ZNF713: variants seen among roughly 807,000 people sequenced by gnomAD.
ZNF713 encodes zinc finger protein 713.
In ZNF713, 21 loss-of-function variants were observed where a neutral mutation model predicts 28.7. The observed-to-expected ratio is 0.73, with a 90% CI of 0.52 to 1.05. The LOEUF is 1.05. Ranked by LOEUF, ZNF713 falls within the 50% of genes least tolerant of loss-of-function variation. The pLI is 0.00. For missense variants in ZNF713, 458 were observed against 532.4 expected, an observed-to-expected ratio of 0.86 and a Z score of 1.37; for synonymous variants, 167 against 178.0, an observed-to-expected ratio of 0.94 and a Z score of 0.49.
At chr7:55,905,128 C>T (rs1785656398) in intron 1 of ZNF713, among the ~76,000 whole-genome samples, 1 of 152,094 alleles carries the variant, frequency 6.6e-6, no homozygotes. Context: ...TCAGAAGGGG[C>T]GTGGCCTCCG....
At chr7:55,895,716 C>T (rs111233951) in intron 1 of ZNF713, among the ~76,000 whole-genome samples, 1 of 152,100 alleles carries the variant, frequency 6.6e-6, no homozygotes, top group African/African-American at 2.4e-5. Flanking sequence ...AATCTGCCCG[C>T]CTTGGCCTCC....
In ZNF713 at chr7:55,940,375, C is replaced by T. The variant is rs1372916516; in HGVS notation, c.*369C>T. Reference sequence around the variant, plus strand: ...CTAACCTCAGGTGATCCGCCCACCTCGGCCTCCCAAAGTGCTGGGATTACA... The same window carrying T: ...CTAACCTCAGGTGATCCGCCCACCTTGGCCTCCCAAAGTGCTGGGATTACA... On this transcript the variant is annotated 3_prime_UTR_variant, in exon 7 of 7. Transcript: ENST00000429591. 27 of 887,484 alleles carry T rather than the reference C, an allele frequency of 3.0e-5. No homozygotes were observed. In the Admixed American group the frequency reaches 1.4e-3, roughly 45 times the overall value. The allele number at this position is 887,484 out of a possible 1,614,324, so 55.0% of individuals were successfully genotyped here. A position where few individuals can be genotyped will look rare whatever the true frequency, so the allele number is the denominator to read the frequency against.
Position 55,940,149 on chromosome 7 carries a change from G to A in ZNF713, c.*143G>A. The A allele has an allele frequency of 1.5e-6, 2 of 1,333,534 alleles. No homozygotes were observed. The highest frequency in any genetic ancestry group is 3.0e-5 in the African/African-American group (2 of 67,512). The allele number at this position is 1,333,534 out of a possible 1,614,324, so 82.6% of individuals were successfully genotyped here. A position where few individuals can be genotyped will look rare whatever the true frequency, so the allele number is the denominator to read the frequency against. On this transcript the variant is annotated 3_prime_UTR_variant, in exon 7 of 7. Coordinates refer to ENST00000429591, the MANE Select transcript of ZNF713 (RefSeq NM_182633.3). ...TGTTTTGTTTTGTTTTTGAGACTGA[G>A]TCTCACTCTGTCACCCAGGCTGAAG...
intron 1 of ZNF713, among the ~76,000 whole-genome samples, chr7:55,893,116 T>C (rs1045173707): frequency 2.0e-5 from 3 of 151,848 alleles, no homozygotes; most frequent in Non-Finnish European, 4.4e-5. Flanking sequence ...ATCTCCTGAC[T>C]TCATGATCTG....
intron 6 of ZNF713, among the ~76,000 whole-genome samples, chr7:55,930,359 T>C (rs2116256366): frequency 6.6e-6 from 1 of 152,264 alleles, no homozygotes; most frequent in East Asian, 1.9e-4. Flanking sequence ...TGGGATCAGG[T>C]GAACTGGAAG....
Position 55,941,940 on chromosome 7 carries a change from T to C in ZNF713, c.*1934T>C, listed in dbSNP as rs142526031. The C allele has an allele frequency of 1.3e-5, 2 of 152,314 alleles. No homozygotes were observed. Among genetic ancestry groups the C allele is most frequent in the East Asian group, 1.9e-4 (1 of 5,188 alleles). The allele number at this position is 152,314 out of a possible 1,614,324, so 9.4% of individuals were successfully genotyped here. On this transcript the variant is annotated 3_prime_UTR_variant, in exon 7 of 7. Transcript: ENST00000429591. ...GGTCCTATTGATGAACTTTGAAATA[T>C]TGATTCAGAGAAGTCTGCTTTTCTA...
chr7:55,928,408 A>G (rs769749255), intron 6 of ZNF713, among the ~76,000 whole-genome samples: 17 of 152,210 alleles, frequency 1.1e-4, no homozygotes, highest in Non-Finnish European at 2.4e-4. Context: ...AGGAAGTAGA[A>G]TGAGGCCTGA....
chr7:55,923,930 G>T, intron 6 of ZNF713: 1 of 319,560 alleles, frequency 3.1e-6, no homozygotes, highest in Non-Finnish European at 5.9e-6. Flanking sequence ...CAAACCAAAG[G>T]TTATTTTGAA....
chr7:55,887,776 G>GA lies in ZNF713; in HGVS notation c.-583+96_-583+97insA, dbSNP rs1785285503. The stretch of plus-strand genomic sequence containing the variant: ...GGGGCGGAGGCGGGGGGCGGAGGCG[G>GA]GGGGCGGAGGCGGGGGGCGGAGGCG... On this transcript the variant is annotated intron_variant, in intron 1 of 6. Coordinates refer to ENST00000429591, the MANE Select transcript of ZNF713 (RefSeq NM_182633.3). 1.7e-3 allele frequency: 3 copies of GA among 1,756 alleles called. 1 individual carries two copies. The highest frequency in any genetic ancestry group is 3.7e-3 in the Non-Finnish European group (3 of 820). The allele number at this position is 1,756 out of a possible 1,614,324, so 0.1% of individuals were successfully genotyped here.
At chr7:55,919,499 T>TG (rs1785947967) in intron 4 of ZNF713, among the ~76,000 whole-genome samples, 12 of 29,308 alleles carry the variant, frequency 4.1e-4, no homozygotes, top group African/African-American at 7.7e-4. Context: ...AGTTTTTTTT[T>TG]TTTTTTTTTT....
In ZNF713 at chr7:55,906,316, T is replaced by G. The variant is rs1352124195; in HGVS notation, c.-519T>G. ...TCTCACTCACCACTGGTGTTGCTCT[T>G]TGAAAGTGGCGCTTGGCACCAGCAT... On this transcript the variant is annotated 5_prime_UTR_variant, in exon 2 of 7. Coordinates refer to ENST00000429591, the MANE Select transcript of ZNF713 (RefSeq NM_182633.3). 2 of 152,270 alleles carry G rather than the reference T, an allele frequency of 1.3e-5. No individual in the cohort carries two copies. Among genetic ancestry groups the G allele is most frequent in the East Asian group, 3.9e-4 (2 of 5,172 alleles). 9.4% of individuals were successfully genotyped at this position (152,270 alleles called of 1,614,324 possible). A position where few individuals can be genotyped will look rare whatever the true frequency, so the allele number is the denominator to read the frequency against.
At chr7:55,918,993 CAAAAG>C (rs1785935498) in intron 4 of ZNF713, among the ~76,000 whole-genome samples, 1 of 142,918 alleles carries the variant, frequency 7.0e-6, no homozygotes, top group Non-Finnish European at 1.5e-5. Flanking sequence ...AATTCTGCCT[CAAAAG>C]AAAGAAAAAA....
At chr7:55,904,842 T>G (rs1011490211) in intron 1 of ZNF713, among the ~76,000 whole-genome samples, 2 of 152,176 alleles carry the variant, frequency 1.3e-5, no homozygotes, top group East Asian at 1.9e-4. Flanking sequence ...TTCTTGTGCC[T>G]CAGCCTCCCA....
At chr7:55,907,601 C>T (rs1350421720) in intron 2 of ZNF713, among the ~76,000 whole-genome samples, 1 of 152,156 alleles carries the variant, frequency 6.6e-6, no homozygotes, top group Non-Finnish European at 1.5e-5. Context: ...TCAACCCTAA[C>T]CCTTGTCCCA....
chr7:55,900,932 A>G lies in ZNF713; in HGVS notation c.-582-5321A>G, dbSNP rs528168999. On this transcript the variant is annotated intron_variant, in intron 1 of 6. Transcript: ENST00000429591. ...GTGATCCACCCACCTTGGCCTCCCA[A>G]AGTGCTGGGATTACAGGCATGAGCC... Among the ~76,000 whole-genome samples the G allele has an allele frequency of 7.2e-5, 11 of 152,280 alleles. 1 individual carries two copies. The South Asian group carries it at 8.3e-4, about 11-fold the overall frequency.
intron 6 of ZNF713, among the ~76,000 whole-genome samples, chr7:55,938,390 G>A (rs1021228443): frequency 6.6e-6 from 1 of 151,762 alleles, no homozygotes; most frequent in East Asian, 1.9e-4. Flanking sequence ...ATACCTGTGT[G>A]TACATAGGGA....
rs566745476 is a variant in ZNF713 at position 55,926,394 on chromosome 7, G to A, written c.307+2695G>A. Among the ~76,000 whole-genome samples the A allele has an allele frequency of 3.9e-5, 6 of 152,342 alleles. No individual in the cohort carries two copies. The East Asian group carries it at 5.8e-4, about 15-fold the overall frequency. ...GCTCTTGGTTCACATATAAGCTTGA[G>A]CAAGTGGTTTTTTTCACATCTCTTA... On this transcript the variant is annotated intron_variant, in intron 6 of 6. Coordinates refer to ENST00000429591, the MANE Select transcript of ZNF713 (RefSeq NM_182633.3).
chr7:55,913,262 C>T (rs1382472962), intron 4 of ZNF713, among the ~76,000 whole-genome samples: 2 of 138,908 alleles, frequency 1.4e-5, no homozygotes, highest in African/African-American at 2.8e-5. Flanking sequence ...AGTGCAGTGG[C>T]ACGATCTCGG....
chr7:55,888,871 G>T (rs1464451561), intron 1 of ZNF713, among the ~76,000 whole-genome samples: 1 of 151,858 alleles, frequency 6.6e-6, no homozygotes, highest in Middle Eastern at 3.2e-3. Context: ...AACATGGCAA[G>T]ACCCTGTTGC....
Sources: gnomAD v4.1 joint callset for allele counts (sites outside exome capture counted in the v4.1 genomes callset) on GRCh38, gnomAD v4.1.1 for gene constraint, MANE v1.5 for transcripts, NCBI Gene and HGNC (gene_info 2026-07-23, HGNC 2026-07-21) for gene names.